Variants in PASK observed in about 807,000 individuals in gnomAD.
The protein encoded by PASK is PAS domain-containing serine/threonine-protein kinase.
Under a neutral mutation model 121.0 loss-of-function variants are expected in PASK, and 110 were observed. That is an observed-to-expected ratio of 0.91 (90% CI 0.78 to 1.06). PASK has a LOEUF of 1.06. Ranked by LOEUF, PASK falls within the 50% of genes least tolerant of loss-of-function variation. PASK has a pLI of 0.00. For synonymous variants in PASK, 686 were observed against 717.8 expected, an observed-to-expected ratio of 0.96 and a Z score of 0.71; for missense variants, 1,643 against 1,702.3, an observed-to-expected ratio of 0.97 and a Z score of 0.61.
rs1311898448 is a variant in PASK at position 241,126,733 on chromosome 2, C to A, written c.2182G>T (p.Ala728Ser). Reference sequence around the variant, plus strand: ...ACATCAACCTCCTGGGCCTCCACTGCTTCCAGGCCCCCAGGGAGGTCCGTG... The same window carrying A: ...ACATCAACCTCCTGGGCCTCCACTGATTCCAGGCCCCCAGGGAGGTCCGTG... The part of the protein sequence containing the change: ...LATDLPGGLE[A>S]VEAQEVDVNS... The change falls in exon 10 of 18, where the codon GCA (alanine) becomes TCA (serine). Residue 728 changes from alanine to serine, a missense_variant. Around this residue, in one of 3 missense-constraint regions of PASK, gnomAD observed 1,176 missense variants for 1,162.2 expected, o/e 1.01. Transcript: ENST00000234040. 1 of 1,614,054 alleles carries A rather than the reference C, an allele frequency of 6.2e-7. No individual in the cohort carries two copies. Among genetic ancestry groups the A allele is most frequent in the African/African-American group, 1.3e-5 (1 of 74,956 alleles).
intron 14 of PASK, chr2:241,113,926 A>G (rs2125406162): frequency 1.0e-6 from 1 of 983,432 alleles, no homozygotes; most frequent in Non-Finnish European, 1.2e-6. Context: ...AAAATTGTGC[A>G]TCTGTATTTA....
intron 9 of PASK, among the ~76,000 whole-genome samples, chr2:241,131,143 G>GT (rs1406330516): frequency 2.7e-5 from 4 of 149,884 alleles, no homozygotes; most frequent in Non-Finnish European, 4.4e-5. Flanking sequence ...ACATATGCAT[G>GT]TATTACATTT....
In PASK at chr2:241,138,738, C is replaced by T; in HGVS notation, c.657G>A (p.Arg219=). Reference sequence around the variant, plus strand: ...AGCATAGGCGGCGCTCCTGCCGCATCCTCTTCATCCACACAGACACTGGAA... The same window carrying T: ...AGCATAGGCGGCGCTCCTGCCGCATTCTCTTCATCCACACAGACACTGGAA... ...EKIPVSVWMK[R]MRQERRLCCV... Residue 219 remains arginine (R), a synonymous_variant, in exon 5 of 18, where the codon AGG becomes AGA. Transcript: ENST00000234040. 1 of 1,614,026 alleles carries T rather than the reference C, an allele frequency of 6.2e-7. No individual in the cohort carries two copies. Among genetic ancestry groups the T allele is most frequent in the Non-Finnish European group, 8.5e-7 (1 of 1,179,884 alleles).
At chr2:241,136,888 A>T in intron 7 of PASK, 116 bp downstream of exon 7, 1 of 958,690 alleles carries the variant, frequency 1.0e-6, no homozygotes, top group Non-Finnish European at 1.6e-6. Flanking sequence ...TCCTGGGTAA[A>T]GGAGCGAGCT....
chr2:241,140,388 G>C, intron 3 of PASK, 133 bp downstream of exon 3: 1 of 752,444 alleles, frequency 1.3e-6, no homozygotes, highest in South Asian at 1.5e-5. Flanking sequence ...GAACTCCTGG[G>C]CTCAAGCAAA....
chr2:241,132,829 G>C, intron 9 of PASK, 45 bp downstream of exon 9: 1 of 1,492,228 alleles, frequency 6.7e-7, no homozygotes, highest in Non-Finnish European at 9.4e-7. Context: ...CCTACCATCT[G>C]TCTGGACTTT....
At chr2:241,140,904 G>C (rs1454019548) in intron 2 of PASK, 151 bp from the exon 3 acceptor site, 1 of 683,602 alleles carries the variant, frequency 1.5e-6, no homozygotes, top group Non-Finnish European at 2.7e-6. Flanking sequence ...CACTCTCACT[G>C]CGTGTCTGAA....
At chr2:241,107,236 C>T (rs1376084104) in intron 17 of PASK, 117 bp downstream of exon 17, 6 of 935,082 alleles carry the variant, frequency 6.4e-6, no homozygotes, top group African/African-American at 3.3e-5. Context: ...CATTTGTGTC[C>T]AAGACAGCAT....
rs753495000 is a variant in PASK at position 241,124,039 on chromosome 2, G to A, written c.2814C>T (p.Asp938=). The change falls in exon 11 of 18, where the codon GAC becomes GAT. Residue 938 remains aspartate, a synonymous_variant. Transcript: ENST00000234040. The stretch of plus-strand genomic sequence containing the variant: ...GGAACAGGCGGGTCCTGGCGGCTGA[G>A]TCGCGTTGGCTGTGGAGGAGGTCTT... ...LVKDLLHSQR[D]SAARTRLFLA... The A allele has an allele frequency of 1.9e-6, 3 of 1,613,732 alleles. No individual in the cohort carries two copies. In the East Asian group the frequency reaches 6.7e-5, roughly 36 times the overall value.
intron 12 of PASK, among the ~76,000 whole-genome samples, chr2:241,117,596 C>G (rs1487806450): frequency 6.6e-6 from 1 of 152,174 alleles, no homozygotes; most frequent in African/African-American, 2.4e-5. Flanking sequence ...AAGTATCAAG[C>G]AAGAATAAAG....
intron 14 of PASK, chr2:241,114,118 A>C: frequency 1.0e-6 from 1 of 985,362 alleles, no homozygotes; most frequent in Non-Finnish European, 1.2e-6. Flanking sequence ...TTTGCTGTAA[A>C]AAGTTTCAGA....
chr2:241,149,690 C>A, upstream of PASK: 1 of 1,550,176 alleles, frequency 6.5e-7, no homozygotes, highest in Non-Finnish European at 8.7e-7. Context: ...GGTTTCCTCC[C>A]GACTCGCGAT....
chr2:241,150,325 G>A (rs1008308817), upstream of PASK: 83 of 1,323,814 alleles, frequency 6.3e-5, no homozygotes, highest in Middle Eastern at 5.7e-4. Context: ...GGCGCGGCGC[G>A]CGGCCTCATG....
chr2:241,107,579 C>A (rs1575213852), intron 16 of PASK, 80 bp from the exon 17 acceptor site: 2 of 1,035,018 alleles, frequency 1.9e-6, no homozygotes, highest in Non-Finnish European at 2.5e-6. Context: ...GTGCTCACCA[C>A]CCCCCCGCAG....
At chr2:241,117,229 G>A (rs566640168) in intron 12 of PASK, among the ~76,000 whole-genome samples, 5 of 152,246 alleles carry the variant, frequency 3.3e-5, no homozygotes, top group Non-Finnish European at 7.3e-5. Context: ...CCTGTGAGAG[G>A]TGAAAGGAGA....
In PASK at chr2:241,127,979, A is replaced by AAGGGGCC. The variant is rs578054497; in HGVS notation, c.1464-535_1464-529dup. Among the ~76,000 whole-genome samples the AAGGGGCC allele has an allele frequency of 1.8e-4, 28 of 152,340 alleles. No homozygotes were observed. The East Asian group carries it at 3.3e-3, about 18-fold the overall frequency. On this transcript the variant is annotated intron_variant, in intron 9 of 17. Coordinates refer to ENST00000234040, the MANE Select transcript of PASK (RefSeq NM_015148.4). ...TGGCTCTCAGATGGGGCCCACACAG[A>AAGGGGCC]AGGGGCCAGGGGCCAGGGGGCCGGG...
chr2:241,121,976 CAAAA>C (rs1438921520), intron 12 of PASK, among the ~76,000 whole-genome samples: 3 of 152,106 alleles, frequency 2.0e-5, no homozygotes, highest in East Asian at 1.9e-4. Flanking sequence ...AAATTAAAAA[CAAAA>C]AGATATCTGA....
Position 241,112,219 on chromosome 2 carries a change from G to T in PASK, c.3533+21C>A. ...CTGACAGAGGACACGAGGACGGGCC[G>T]CACCGCAGCCGCATACGTACGGATT... On this transcript the variant is annotated intron_variant, in intron 15 of 17. Transcript: ENST00000234040. This position sits in a 1 kb window ranked among gnomAD's most constrained non-coding sequence, Gnocchi z 5.2. 6.3e-7 allele frequency: 1 copy of T among 1,591,916 alleles called. No homozygotes were observed. Among genetic ancestry groups the T allele is most frequent in the Non-Finnish European group, 8.6e-7 (1 of 1,159,966 alleles).
At chr2:241,115,669 T>A (rs1220448808) in intron 12 of PASK, among the ~76,000 whole-genome samples, 2 of 137,596 alleles carry the variant, frequency 1.5e-5, no homozygotes, top group African/African-American at 5.8e-5. Context: ...TCCTCAAGCA[T>A]CCCATTACAC....
Sources: gnomAD v4.1 joint callset for allele counts (sites outside exome capture counted in the v4.1 genomes callset) on GRCh38, gnomAD v4.1.1 for gene constraint, gnomAD v4.1.1 regional missense constraint, Gnocchi (gnomAD v3.1) non-coding constraint, MANE v1.5 for transcripts, NCBI Gene and HGNC (gene_info 2026-07-23, HGNC 2026-07-21) for gene names.